Variants in PRSS53 observed in about 807,000 individuals in gnomAD.
PRSS53 encodes the protein serine protease 53.
Under a neutral mutation model 62.7 loss-of-function variants are expected in PRSS53, and 54 were observed. That is an observed-to-expected ratio of 0.86 (90% CI 0.69 to 1.08). The LOEUF (loss-of-function observed/expected upper bound fraction) is 1.08. PRSS53 is among the 50% of genes least tolerant of loss of function. PRSS53 has a pLI of 0.00. For synonymous variants in PRSS53, 273 were observed against 300.0 expected (o/e 0.91, Z 0.93); for missense variants, 688 against 728.3 (o/e 0.94, Z 0.64).
exon 1 of PRSS53, chr16:31,088,884 C>T: frequency 1.3e-6 from 2 of 1,592,366 alleles, no homozygotes; most frequent in Non-Finnish European, 1.7e-6. Flanking sequence ...TCCACCTCTG[C>T]TCCACCTCCA....
intron 6 of PRSS53, among the ~76,000 whole-genome samples, chr16:31,085,703 G>A (rs939133923): frequency 1.3e-5 from 2 of 152,118 alleles, no homozygotes; most frequent in African/African-American, 2.4e-5. Flanking sequence ...GTGCAGGCTC[G>A]CTGGGTCCCT....
chr16:31,083,625 G>T (rs2057194271), exon 11 of PRSS53: 1 of 1,509,542 alleles, frequency 6.6e-7, no homozygotes, highest in African/African-American at 1.4e-5. Flanking sequence ...CCTGCAGGGT[G>T]GGGAGTGGGC....
chr16:31,084,208 T>C (rs1417247099), exon 10 of PRSS53: 2 of 1,611,494 alleles, frequency 1.2e-6, no homozygotes, highest in Non-Finnish European at 1.7e-6. Context: ...GACCCAGTCC[T>C]CATAGGCAGG....
exon 5 of PRSS53, chr16:31,086,366 G>T (rs373007385): frequency 2.7e-5 from 43 of 1,613,374 alleles, no homozygotes; most frequent in Non-Finnish European, 3.6e-5. Flanking sequence ...CCAGGCTGGG[G>T]GCCCCCACAT....
At chr16:31,087,241 C>A (rs1341643722) in intron 3 of PRSS53, 2 of 538,616 alleles carry the variant, frequency 3.7e-6, no homozygotes, top group Non-Finnish European at 6.6e-6. Context: ...AAGCGATCCT[C>A]CCTCCGTGGC....
At chr16:31,084,007 G>A in intron 10 of PRSS53, 112 bp downstream of exon 10, 3 of 1,499,320 alleles carry the variant, frequency 2.0e-6, no homozygotes, top group Non-Finnish European at 2.7e-6. Context: ...GGGTCTGCCT[G>A]TTGCTCCACC....
exon 5 of PRSS53, chr16:31,086,427 G>A (rs780474004): frequency 4.3e-6 from 7 of 1,614,012 alleles, no homozygotes; most frequent in Admixed American, 3.3e-5. Context: ...GCAGCTGGTT[G>A]TAGATACAGT....
Position 31,087,458 on chromosome 16 carries a change from G to A in PRSS53, c.242+79C>T, listed in dbSNP as rs539374305. ...TTCTTTATTATTACTCTAGAGGCAG[G>A]GACTAGCCTTGTGGGGCTTGAGACA... On this transcript the variant is annotated intron_variant, in intron 3 of 10. Coordinates refer to ENST00000280606, the Ensembl canonical transcript of PRSS53. 3.8e-6 allele frequency: 4 copies of A among 1,050,534 alleles called. No homozygotes were observed. In the African/African-American group the frequency reaches 4.8e-5, roughly 13 times the overall value. The allele number at this position is 1,050,534 out of a possible 1,614,324, so 65.1% of individuals were successfully genotyped here.
chr16:31,084,804 G>C (rs1220050207), exon 8 of PRSS53: 1 of 1,545,582 alleles, frequency 6.5e-7, no homozygotes, highest in South Asian at 1.2e-5. Context: ...GCCCGTCCCA[G>C]AACCCAGCCA....
chr16:31,086,367 GC>G lies in PRSS53; in HGVS notation c.632del (p.Gly211AlafsTer48). 6.2e-7 allele frequency: 1 copy of G among 1,613,294 alleles called. No homozygotes were observed. Among genetic ancestry groups the G allele is most frequent in the Non-Finnish European group, 8.5e-7 (1 of 1,179,602 alleles). On this transcript the variant is annotated frameshift_variant, in exon 5 of 11. Transcript: ENST00000280606. LOFTEE classifies it high-confidence loss of function. ...AGGGGCCCTGCACCCCAGGCTGGGG[GC>G]CCCCACATAGCATCCCAGGCCGGGC...
At chr16:31,085,524 TC>T (rs2057223072) in intron 6 of PRSS53, among the ~76,000 whole-genome samples, 2 of 152,080 alleles carry the variant, frequency 1.3e-5, no homozygotes, top group South Asian at 4.2e-4. Context: ...TACTTGTCAC[TC>T]CCCTGCTCCA....
chr16:31,086,538 C>CA, intron 4 of PRSS53, 47 bp from the exon 5 acceptor site: 1 of 1,581,042 alleles, frequency 6.3e-7, no homozygotes, highest in East Asian at 2.3e-5. Flanking sequence ...ATCTGGGAAG[C>CA]AAGGGAGACT....
At chr16:31,085,436 C>G (rs61635116) in intron 6 of PRSS53, among the ~76,000 whole-genome samples, 176 bp from the exon 7 acceptor site, 3 of 152,160 alleles carry the variant, frequency 2.0e-5, no homozygotes, top group Admixed American at 6.5e-5. Flanking sequence ...GGCAGACTTG[C>G]GATTCGCAAG....
chr16:31,086,879 T>C, exon 4 of PRSS53: 1 of 1,599,898 alleles, frequency 6.3e-7, no homozygotes, highest in Non-Finnish European at 8.5e-7. Flanking sequence ...GACCAGGAAT[T>C]CAGTTCTGTT....
At chr16:31,087,851 G>A (rs1215675066) in intron 1 of PRSS53, 25 bp from the exon 2 acceptor site, 1 of 1,613,664 alleles carries the variant, frequency 6.2e-7, no homozygotes, top group East Asian at 2.2e-5. Context: ...ACACAGGTAA[G>A]ATGCAGGGAC....
chr16:31,088,348 C>T (rs773180106), intron 1 of PRSS53: 78 of 1,121,800 alleles, frequency 7.0e-5, no homozygotes, highest in Admixed American at 8.9e-5. Context: ...CCCTGCCCAC[C>T]GCCCCTCACA....
intron 1 of PRSS53, 66 bp downstream of exon 1, chr16:31,088,686 C>G: frequency 1.2e-6 from 2 of 1,606,642 alleles, no homozygotes; most frequent in Non-Finnish European, 1.7e-6. Context: ...GCAGGGACTG[C>G]TGGGGCAGAG....
chr16:31,084,750 G>C (rs1254004873), intron 8 of PRSS53, 30 bp downstream of exon 8: 1 of 1,592,482 alleles, frequency 6.3e-7, no homozygotes, highest in Non-Finnish European at 8.6e-7. Context: ...AGGTTGGATG[G>C]ACAGCAGCCC....
Position 31,086,028 on chromosome 16 carries a change from C to A in PRSS53, c.819G>T (p.Gln273His), listed in dbSNP as rs61736185. The A allele has an allele frequency of 3.1e-6, 5 of 1,613,980 alleles. No individual in the cohort carries two copies. Among genetic ancestry groups the A allele is most frequent in the Middle Eastern group, 1.7e-4 (1 of 6,018 alleles). The change falls in exon 6 of 11, where the codon CAG becomes CAT. Residue 273 changes from glutamine to histidine, a missense_variant. Coordinates refer to ENST00000280606, the Ensembl canonical transcript of PRSS53. ...GGCTCTGGGCCAGGAAAGCTGCCCC[C>A]TGAACTCGAGCCTGCAGCCAGGAAC... is the stretch of plus-strand genomic sequence containing the variant.
Sources: gnomAD v4.1 joint callset for allele counts (sites outside exome capture counted in the v4.1 genomes callset) on GRCh38, gnomAD v4.1.1 for gene constraint, MANE v1.5 for transcripts, NCBI Gene and HGNC (gene_info 2026-07-23, HGNC 2026-07-21) for gene names.